ANKS6: variants seen among roughly 807,000 people sequenced by gnomAD.
ANKS6 encodes the protein ankyrin repeat and SAM domain-containing protein 6.
ANKS6 carries 47 observed loss-of-function variants against 77.9 expected under a neutral mutation model. The ratio of observed to expected loss-of-function variants is 0.60; its 90% CI spans 0.48 to 0.77. The LOEUF (loss-of-function observed/expected upper bound fraction) is 0.77. ANKS6 is among the 30% of genes least tolerant of loss of function. ANKS6 has a pLI of 0.00. For missense variants in ANKS6, 1,150 were observed against 1,159.1 expected, an observed-to-expected ratio of 0.99 and a Z score of 0.11; for synonymous variants, 488 against 501.7, an observed-to-expected ratio of 0.97 and a Z score of 0.37.
At chr9:98,786,292 T>A (rs529784557) in intron 2 of ANKS6, among the ~76,000 whole-genome samples, 204 of 148,582 alleles carry the variant, frequency 1.4e-3, no homozygotes, top group African/African-American at 5.0e-3. Flanking sequence ...ACTCCAGAAT[T>A]GTTTTTTTTT....
intron 10 of ANKS6, among the ~76,000 whole-genome samples, chr9:98,768,451 C>A (rs898065115): frequency 1.3e-5 from 2 of 152,118 alleles, no homozygotes; most frequent in African/African-American, 2.4e-5. Context: ...CTCTGTGCTG[C>A]GAAGGCGTAA....
chr9:98,789,387 G>C (rs531756445), intron 2 of ANKS6, among the ~76,000 whole-genome samples: 39 of 132,292 alleles, frequency 2.9e-4, no homozygotes, highest in African/African-American at 1.1e-3. Context: ...GCTAAGGATT[G>C]TTTAGACAAC....
chr9:98,768,281 G>C, intron 10 of ANKS6, 31 bp from the exon 11 acceptor site: 1 of 1,611,814 alleles, frequency 6.2e-7, no homozygotes, highest in Non-Finnish European at 8.5e-7. Context: ...TGAACACCAT[G>C]GGCACAGAGG....
intron 11 of ANKS6, among the ~76,000 whole-genome samples, chr9:98,762,939 A>G (rs1053754661): frequency 6.6e-6 from 1 of 152,102 alleles, no homozygotes; most frequent in Non-Finnish European, 1.5e-5. Context: ...ATAGGGGTCA[A>G]TTCTCCAAGA....
intron 2 of ANKS6, among the ~76,000 whole-genome samples, chr9:98,786,885 C>G (rs1314844839): frequency 6.6e-6 from 1 of 152,164 alleles, no homozygotes; most frequent in Non-Finnish European, 1.5e-5. Context: ...CAGCTGTGTC[C>G]TGACACCCAG....
Position 98,780,155 on chromosome 9 carries a change from C to T in ANKS6, c.1368+34G>A, listed in dbSNP as rs757022683. 10 of 1,610,604 alleles carry T rather than the reference C, an allele frequency of 6.2e-6. No homozygotes were observed. In the South Asian group the frequency reaches 9.9e-5, roughly 16 times the overall value. ...TCCCCGCCAGCCCCCATCTCCCTAG[C>T]CCCCAAGCCCCTTTAAGACAGGAAA... On this transcript the variant is annotated intron_variant, in intron 6 of 14. Coordinates refer to ENST00000353234, the MANE Select transcript of ANKS6 (RefSeq NM_173551.5).
rs142331765 is a variant in ANKS6 at position 98,790,467 on chromosome 9, C to T, written c.499G>A (p.Gly167Ser). 3.2e-5 allele frequency: 52 copies of T among 1,613,592 alleles called. No individual in the cohort carries two copies. In the East Asian group the frequency reaches 6.2e-4, roughly 19 times the overall value. Reference protein sequence around the residue: ...LGVVKLLLEAGAFVDHHHPSG... With the variant: ...LGVVKLLLEASAFVDHHHPSG... ...GGGTGGTGATGGTCCACAAAGGCAC[C>T]GGCTTCCAGGAGCAGCTTCACCACA... Residue 167 changes from glycine (G) to serine (S), a missense_variant, in exon 2 of 15, where the codon GGT becomes AGT. Physicochemically the swap from Gly to Ser is moderately conservative, Grantham distance 56. Transcript: ENST00000353234.
Position 98,734,082 on chromosome 9 carries a change from C to G in ANKS6, c.*2437G>C, listed in dbSNP as rs146924546. On this transcript the variant is annotated 3_prime_UTR_variant, in exon 15 of 15. Coordinates refer to ENST00000353234, the MANE Select transcript of ANKS6 (RefSeq NM_173551.5). ...ATGTTCCGTGCTGCCTCCACACATG[C>G]CCCCGCTGGGGTGCCCTTTCTCTTC... 4.1e-6 allele frequency: 4 copies of G among 985,344 alleles called. No individual in the cohort carries two copies. The South Asian group carries it at 1.9e-4, about 46-fold the overall frequency. 61.0% of individuals were successfully genotyped at this position (985,344 alleles called of 1,614,324 possible).
chr9:98,793,328 C>T (rs565576846), intron 1 of ANKS6, among the ~76,000 whole-genome samples: 3 of 152,220 alleles, frequency 2.0e-5, no homozygotes, highest in Non-Finnish European at 4.4e-5. Context: ...GAATCTGACT[C>T]GCCACTTGGT....
chr9:98,743,625 G>T (rs1248853183), intron 14 of ANKS6, among the ~76,000 whole-genome samples: 1 of 152,158 alleles, frequency 6.6e-6, no homozygotes, highest in Non-Finnish European at 1.5e-5. Flanking sequence ...TCCTTTATGT[G>T]CTGTGGGTTA....
In ANKS6 at chr9:98,756,597, C is replaced by T; in HGVS notation, c.2149G>A (p.Glu717Lys). 6.5e-7 allele frequency: 1 copy of T among 1,534,424 alleles called. No homozygotes were observed. Among genetic ancestry groups the T allele is most frequent in the South Asian group, 1.3e-5 (1 of 77,000 alleles). Residue 717 changes from glutamate to lysine, a missense_variant, in exon 12 of 15, where the codon GAG becomes AAG. Physicochemically the swap from Glu to Lys is moderately conservative, Grantham distance 56. Coordinates refer to ENST00000353234, the MANE Select transcript of ANKS6 (RefSeq NM_173551.5). The stretch of plus-strand genomic sequence containing the variant: ...CCAGATGGAGGCCTTTTGCTGGTCT[C>T]CAATTTCTGCTGAACAGAGTAAGAC... ...GGSAPVGKKL[E>K]TSKRPPSGTS...
rs1367181993 is a variant in ANKS6, at chr9:98,764,786, C to A, written c.2142+3295G>T. 3.9e-5 allele frequency among the ~76,000 whole-genome samples: 6 copies of A among 152,208 alleles called. No individual in the cohort carries two copies. In the South Asian group the frequency reaches 1.2e-3, roughly 31 times the overall value. ...TGATCTTGCATGTTGTTTATACCTT[C>A]TATTAGGACCTTTAACATATTAATC... On this transcript the variant is annotated intron_variant, in intron 11 of 14. Coordinates refer to ENST00000353234, the MANE Select transcript of ANKS6 (RefSeq NM_173551.5).
intron 12 of ANKS6, among the ~76,000 whole-genome samples, chr9:98,754,206 T>C (rs2117910135): frequency 6.6e-6 from 1 of 152,280 alleles, no homozygotes. Flanking sequence ...AATGTGAGGC[T>C]GAGAAGGTGA....
intron 11 of ANKS6, among the ~76,000 whole-genome samples, chr9:98,759,422 T>C (rs987032424): frequency 6.6e-6 from 1 of 152,230 alleles, no homozygotes; most frequent in African/African-American, 2.4e-5. Flanking sequence ...AATTCAAGTC[T>C]GACATGATCT....
chr9:98,751,031 C>T lies in ANKS6; in HGVS notation c.2392G>A (p.Glu798Lys). 1 of 1,607,924 alleles carries T rather than the reference C, an allele frequency of 6.2e-7. No homozygotes were observed. Among genetic ancestry groups the T allele is most frequent in the Non-Finnish European group, 8.5e-7 (1 of 1,177,020 alleles). ...ACATTCAAAAAGAGCATTCTTACCT[C>T]TTGTTCCTCAAAAATGGGCTGATAT... ...EKYQPIFEEQ[E>K]VDMEAFLTLT... Residue 798 changes from glutamate to lysine, a missense_variant and splice_region_variant, in exon 13 of 15, where the codon GAG becomes AAG. Transcript: ENST00000353234.
At chr9:98,789,039 T>TC (rs1834736370) in intron 2 of ANKS6, among the ~76,000 whole-genome samples, 1 of 151,742 alleles carries the variant, frequency 6.6e-6, no homozygotes, top group Non-Finnish European at 1.5e-5. Flanking sequence ...GTATTTCTTT[T>TC]TTTTTTTTTT....
At chr9:98,770,839 A>G in intron 10 of ANKS6, 57 bp downstream of exon 10, 3 of 1,320,674 alleles carry the variant, frequency 2.3e-6, no homozygotes, top group Non-Finnish European at 2.9e-6. Context: ...GGCAGTGCAC[A>G]CCCTCAGTCC....
chr9:98,767,602 G>A (rs1833372227), intron 11 of ANKS6, among the ~76,000 whole-genome samples: 2 of 152,218 alleles, frequency 1.3e-5, no homozygotes, highest in African/African-American at 2.4e-5. Context: ...GATGTATACA[G>A]TGGATGAATA....
intron 14 of ANKS6, among the ~76,000 whole-genome samples, chr9:98,739,229 T>A (rs187263779): frequency 7.9e-5 from 12 of 152,202 alleles, no homozygotes; most frequent in Admixed American, 3.9e-4. Flanking sequence ...AAGAACTTAC[T>A]CATGTAACTA....
Sources: allele counts gnomAD v4.1 joint callset (sites outside exome capture counted in the v4.1 genomes callset), GRCh38; gene constraint gnomAD v4.1.1; transcripts MANE v1.5; gene names NCBI Gene and HGNC (gene_info 2026-07-23, HGNC 2026-07-21).